CFAP20DC: variants seen among roughly 807,000 people sequenced by gnomAD.
CFAP20DC encodes protein CFAP20DC.
Under a neutral mutation model 101.7 loss-of-function variants are expected in CFAP20DC, and 84 were observed. The observed-to-expected ratio is 0.83, with a 90% CI of 0.69 to 0.99. The LOEUF (loss-of-function observed/expected upper bound fraction) is 0.99. Among genes scored for constraint, CFAP20DC ranks in the 50% least tolerant of loss-of-function variants. The probability of loss-of-function intolerance (pLI) is 0.00; values close to 1 mark genes in which losing one functional copy is unlikely to be tolerated. For missense variants in CFAP20DC, 1,007 were observed against 970.3 expected, an observed-to-expected ratio of 1.04 and a Z score of -0.50; for synonymous variants, 359 against 351.2, an observed-to-expected ratio of 1.02 and a Z score of -0.25.
chr3:58,814,191 T>C (rs1267725033), intron 14 of CFAP20DC, among the ~76,000 whole-genome samples: 3 of 151,908 alleles, frequency 2.0e-5, no homozygotes, highest in African/African-American at 7.3e-5. Flanking sequence ...CTTAATTTTA[T>C]ACTATTAATT....
chr3:58,817,790 T>C (rs1311947660), intron 14 of CFAP20DC, among the ~76,000 whole-genome samples: 5 of 151,988 alleles, frequency 3.3e-5, no homozygotes, highest in African/African-American at 7.3e-5. Flanking sequence ...ATACAGAGAA[T>C]GCCACAAAGA....
intron 3 of CFAP20DC, among the ~76,000 whole-genome samples, chr3:58,720,150 T>C (rs1033243580): frequency 6.6e-6 from 1 of 152,236 alleles, no homozygotes; most frequent in Non-Finnish European, 1.5e-5. Context: ...TGTGCTGTTG[T>C]CCACGTGTTT....
intron 4 of CFAP20DC, among the ~76,000 whole-genome samples, chr3:58,950,509 T>C (rs1202732290): frequency 6.6e-6 from 1 of 152,136 alleles, no homozygotes; most frequent in Non-Finnish European, 1.5e-5. Flanking sequence ...GACTTCAAAC[T>C]ACACTACAAG....
At chr3:58,814,548 G>A (rs1480429760) in intron 14 of CFAP20DC, among the ~76,000 whole-genome samples, 1 of 151,198 alleles carries the variant, frequency 6.6e-6, no homozygotes, top group African/African-American at 2.5e-5. Context: ...ATTCAATTAG[G>A]AAAAGAGGAA....
Position 58,874,969 on chromosome 3 carries a change from CA to C in CFAP20DC, c.716-4661del, listed in dbSNP as rs1174749982. ...AGAAGGGAAGTTGGATTAAATGACT[CA>C]AAAATGTCTAACTATGGTTTGAAGT... On this transcript the variant is annotated intron_variant, in intron 7 of 16. Coordinates refer to ENST00000482387, the MANE Select transcript of CFAP20DC (RefSeq NM_001394063.1). This position sits in a 1 kb window ranked among gnomAD's most constrained non-coding sequence, Gnocchi z 5.1. Among the ~76,000 whole-genome samples, 1 of 152,120 alleles carries C rather than the reference CA, an allele frequency of 6.6e-6. No individual in the cohort carries two copies. The highest frequency in any genetic ancestry group is 1.5e-5 in the Non-Finnish European group (1 of 68,032).
chr3:58,775,196 G>C (rs1421052345), intron 15 of CFAP20DC, among the ~76,000 whole-genome samples: 1 of 152,168 alleles, frequency 6.6e-6, no homozygotes, highest in African/African-American at 2.4e-5. Context: ...CCAGAAAGGC[G>C]AGGACAACTA....
intron 4 of CFAP20DC, among the ~76,000 whole-genome samples, chr3:58,941,927 A>G (rs1178316626): frequency 6.6e-6 from 1 of 152,202 alleles, no homozygotes; most frequent in Admixed American, 6.5e-5. Context: ...AATCATTACA[A>G]TATATACCCT....
chr3:58,862,865 C>T lies in CFAP20DC; in HGVS notation c.1593+693G>A, dbSNP rs556622462. The T allele has an allele frequency of 1.5e-4, 148 of 984,736 alleles. No homozygotes were observed. The African/African-American group carries it at 2.5e-3, about 16-fold the overall frequency. 61.0% of individuals were successfully genotyped at this position (984,736 alleles called of 1,614,324 possible). On this transcript the variant is annotated intron_variant, in intron 12 of 16. Coordinates refer to ENST00000482387, the MANE Select transcript of CFAP20DC (RefSeq NM_001394063.1). ...TGAAGAAAATCCACGACTAAATGCA[C>T]TTCCTATGGGGAAAAAGTTATCAAT...
At position 59,015,812 on chromosome 3, in the gene CFAP20DC, G is replaced by C. The variant is rs116655827; in HGVS notation, c.278+23745C>G. ...CCCAAGGCTAAACAAAAGAGATGGA[G>C]GCTGTAGAGCTGGGGACAACAACCT... On this transcript the variant is annotated intron_variant, in intron 4 of 16. Coordinates refer to ENST00000482387, the MANE Select transcript of CFAP20DC (RefSeq NM_001394063.1). The surrounding 1 kb of genome is among the most constrained non-coding windows in gnomAD (Gnocchi z 5.4). Among the ~76,000 whole-genome samples the C allele has an allele frequency of 1.3e-5, 2 of 152,142 alleles. No homozygotes were observed. Among genetic ancestry groups the C allele is most frequent in the East Asian group, 3.9e-4 (2 of 5,190 alleles).
At chr3:58,826,931 T>C (rs1034123836) in intron 14 of CFAP20DC, among the ~76,000 whole-genome samples, 4 of 152,074 alleles carry the variant, frequency 2.6e-5, no homozygotes, top group Non-Finnish European at 4.4e-5. Context: ...CATGAAGCAG[T>C]GACAAGTGAG....
At chr3:58,907,101 G>A (rs1359882803) in intron 6 of CFAP20DC, among the ~76,000 whole-genome samples, 2 of 151,872 alleles carry the variant, frequency 1.3e-5, no homozygotes, top group African/African-American at 4.8e-5. Flanking sequence ...CCTCGTGTGT[G>A]TGTGTGTGTG....
chr3:59,034,853 A>G (rs1443837337), intron 4 of CFAP20DC, among the ~76,000 whole-genome samples: 3 of 152,224 alleles, frequency 2.0e-5, no homozygotes, highest in Non-Finnish European at 4.4e-5. Context: ...ACTAATAGAC[A>G]TCTACAGAAC....
intron 4 of CFAP20DC, among the ~76,000 whole-genome samples, chr3:58,947,965 T>A (rs1176484297): frequency 6.6e-6 from 1 of 152,182 alleles, no homozygotes; most frequent in Non-Finnish European, 1.5e-5. Flanking sequence ...TGACTCCCAA[T>A]CCCCAAGGGT....
At chr3:58,798,154 A>G (rs1045611480) in intron 15 of CFAP20DC, among the ~76,000 whole-genome samples, 2 of 142,526 alleles carry the variant, frequency 1.4e-5, no homozygotes, top group Non-Finnish European at 3.1e-5. Flanking sequence ...TACATTTTGT[A>G]AGGCTATGGC....
intron 15 of CFAP20DC, among the ~76,000 whole-genome samples, chr3:58,765,490 C>CAAAAAAAAAAAAAAAAAAAAAAAAAA (rs1337049385): frequency 1.3e-4 from 11 of 81,794 alleles, no homozygotes; most frequent in Non-Finnish European, 2.0e-4. Flanking sequence ...AAAAAAAAAC[C>CAAAAAAAAAAAAAAAAAAAAAAAAAA]AAAAAAAAAA....
At chr3:59,044,751 T>C (rs999156438) in intron 3 of CFAP20DC, among the ~76,000 whole-genome samples, 5 of 152,018 alleles carry the variant, frequency 3.3e-5, no homozygotes, top group African/African-American at 1.2e-4. Context: ...AAAATACAGG[T>C]GGGCTTTATA....
At chr3:58,948,630 G>A (rs1049918903) in intron 4 of CFAP20DC, among the ~76,000 whole-genome samples, 2 of 152,190 alleles carry the variant, frequency 1.3e-5, no homozygotes, top group African/African-American at 4.8e-5. Context: ...TGCATCCCAG[G>A]GATGAAGCCC....
chr3:59,007,393 C>T lies in CFAP20DC; in HGVS notation c.278+32164G>A, dbSNP rs2093462370. 6.6e-6 allele frequency among the ~76,000 whole-genome samples: 1 copy of T among 152,200 alleles called. No homozygotes were observed. Among genetic ancestry groups the T allele is most frequent in the South Asian group, 2.1e-4 (1 of 4,834 alleles). On this transcript the variant is annotated intron_variant, in intron 4 of 16. Transcript: ENST00000482387. The surrounding 1 kb of genome is among the most constrained non-coding windows in gnomAD (Gnocchi z 4.4). The stretch of plus-strand genomic sequence containing the variant: ...CCCTTCTACTACTGCAGCTGGCGCT[C>T]TCTGGAAAGCACCACCTCCTGGCTG...
intron 15 of CFAP20DC, among the ~76,000 whole-genome samples, chr3:58,761,267 G>A (rs1037968686): frequency 1.2e-4 from 19 of 152,034 alleles, no homozygotes; most frequent in Middle Eastern, 3.4e-3. Flanking sequence ...GTCTTGGGAG[G>A]GTGTATGTGT....
Sources: allele counts gnomAD v4.1 joint callset (sites outside exome capture counted in the v4.1 genomes callset), GRCh38; gene constraint gnomAD v4.1.1; non-coding constraint Gnocchi (gnomAD v3.1); transcripts MANE v1.5; gene names NCBI Gene and HGNC (gene_info 2026-07-23, HGNC 2026-07-21).